Variants in MARK3 observed in about 807,000 individuals in gnomAD.
MARK3 encodes microtubule affinity regulating kinase 3, also known as MAP/microtubule affinity-regulating kinase 3.
Under a neutral mutation model 90.1 loss-of-function variants are expected in MARK3, and 46 were observed. The ratio of observed to expected loss-of-function variants is 0.51; its 90% CI spans 0.40 to 0.65. MARK3 has a LOEUF of 0.65. Among genes scored for constraint, MARK3 ranks in the 30% least tolerant of loss-of-function variants. The pLI is 0.00. For missense variants in MARK3, 818 were observed against 947.2 expected, an observed-to-expected ratio of 0.86 and a Z score of 1.79; for synonymous variants, 321 against 332.6, an observed-to-expected ratio of 0.97 and a Z score of 0.38.
chr14:103,483,811 A>G (rs1191271526), intron 14 of MARK3, among the ~76,000 whole-genome samples: 1 of 152,240 alleles, frequency 6.6e-6, no homozygotes, highest in Non-Finnish European at 1.5e-5. Flanking sequence ...TAAACTAGGC[A>G]TGAGAAGGTT....
intron 2 of MARK3, among the ~76,000 whole-genome samples, chr14:103,418,964 CTCAAACGTT>C (rs1172047586): frequency 2.6e-5 from 4 of 152,156 alleles, no homozygotes; most frequent in Non-Finnish European, 4.4e-5. Flanking sequence ...AACAGCAGTT[CTCAAACGTT>C]TCTGTCTCAG....
At chr14:103,462,770 G>A (rs1010934292) in intron 7 of MARK3, among the ~76,000 whole-genome samples, 6 of 152,078 alleles carry the variant, frequency 3.9e-5, no homozygotes, top group Non-Finnish European at 7.4e-5. Context: ...AGTGCCACCC[G>A]GCATTCATTT....
chr14:103,423,238 ATGT>A (rs1427514078), intron 2 of MARK3, among the ~76,000 whole-genome samples: 4 of 82,842 alleles, frequency 4.8e-5, no homozygotes, highest in African/African-American at 2.2e-4. Flanking sequence ...CTGACTGAGA[ATGT>A]TGTTAACACT....
chr14:103,478,969 A>G (rs548367063), intron 13 of MARK3, among the ~76,000 whole-genome samples: 19 of 152,316 alleles, frequency 1.2e-4, no homozygotes, highest in Admixed American at 9.1e-4. Flanking sequence ...GAATAATGCT[A>G]CTATAAACAA....
chr14:103,401,379 G>A (rs930984833), intron 1 of MARK3, among the ~76,000 whole-genome samples: 2 of 152,112 alleles, frequency 1.3e-5, no homozygotes, highest in African/African-American at 2.4e-5. Context: ...TTGCATGAGC[G>A]TGTTTTAGGT....
chr14:103,485,123 G>A (rs1387190856), intron 14 of MARK3, among the ~76,000 whole-genome samples: 1 of 149,066 alleles, frequency 6.7e-6, no homozygotes, highest in Non-Finnish European at 1.5e-5. Context: ...CCAGCTACTT[G>A]GGAGGCCGAG....
At chr14:103,459,357 G>GT (rs1257026085) in intron 6 of MARK3, among the ~76,000 whole-genome samples, 1 of 152,168 alleles carries the variant, frequency 6.6e-6, no homozygotes, top group Non-Finnish European at 1.5e-5. Context: ...GTATGTATGT[G>GT]TTTTTTCAAT....
At chr14:103,479,627 G>A in intron 13 of MARK3, among the ~76,000 whole-genome samples, 1 of 50,678 alleles carries the variant, frequency 2.0e-5, no homozygotes, top group East Asian at 4.8e-4. Context: ...CATACGTATA[G>A]CTTTTTTTTT....
intron 6 of MARK3, among the ~76,000 whole-genome samples, chr14:103,458,959 AAG>A (rs1015100201): frequency 6.6e-6 from 1 of 152,216 alleles, no homozygotes; most frequent in African/African-American, 2.4e-5. Context: ...ATAAAAAAAA[AAG>A]AAATTATTCT....
intron 3 of MARK3, among the ~76,000 whole-genome samples, chr14:103,439,554 G>T (rs149788412): frequency 6.6e-6 from 1 of 151,968 alleles, no homozygotes; most frequent in Admixed American, 6.6e-5. Flanking sequence ...GATTACAGGC[G>T]TGCGCCACCA....
intron 6 of MARK3, 131 bp downstream of exon 6, chr14:103,457,343 A>T: frequency 1.6e-6 from 1 of 625,242 alleles, no homozygotes; most frequent in South Asian, 2.1e-5. Context: ...ATTCAATTCA[A>T]CAAAAATTGA....
rs1595959987 is a variant in MARK3, at chr14:103,498,531, A to G, written c.1871+3A>G. On this transcript the variant is annotated splice_donor_region_variant and intron_variant, in intron 16 of 17. Transcript: ENST00000429436. ...ATGTCATTCAGGTTTATCAAAAGGTAGGATTTATATATACACATTTATTTT... is the reference window on the plus strand; with the variant it reads ...ATGTCATTCAGGTTTATCAAAAGGTGGGATTTATATATACACATTTATTTT... The G allele has an allele frequency of 1.5e-6, 2 of 1,365,202 alleles. No homozygotes were observed. Among genetic ancestry groups the G allele is most frequent in the East Asian group, 3.2e-5 (1 of 31,726 alleles). The allele number at this position is 1,365,202 out of a possible 1,614,324, so 84.6% of individuals were successfully genotyped here. A position where few individuals can be genotyped will look rare whatever the true frequency, so the allele number is the denominator to read the frequency against.
In MARK3 at chr14:103,480,464, A is replaced by G. The variant is rs1457220619; in HGVS notation, c.1560A>G (p.Ser520=). Residue 520 remains serine, a synonymous_variant, in exon 14 of 18, where the codon TCA becomes TCG. Transcript: ENST00000429436. ...CSERTTADRH[S]VIQNGKENST... ...AGAGAACTACAGCTGATAGACACTC[A>G]GTGATTCAGAATGGCAAAGAAAACA... The G allele has an allele frequency of 1.2e-6, 2 of 1,612,202 alleles. No homozygotes were observed. Among genetic ancestry groups the G allele is most frequent in the Non-Finnish European group, 1.7e-6 (2 of 1,178,682 alleles).
At chr14:103,389,528 C>CAAAAAA (rs67737305) in intron 1 of MARK3, among the ~76,000 whole-genome samples, 16 of 49,852 alleles carry the variant, frequency 3.2e-4, no homozygotes, top group African/African-American at 4.2e-4. Flanking sequence ...ACTCTGTCTC[C>CAAAAAA]AAAAAAAAAA....
intron 14 of MARK3, among the ~76,000 whole-genome samples, chr14:103,484,220 C>T (rs922309949): frequency 1.1e-4 from 16 of 151,616 alleles, no homozygotes; most frequent in African/African-American, 2.4e-5. Flanking sequence ...CTCTTTTACC[C>T]AGGCTAGAGT....
intron 4 of MARK3, 77 bp from the exon 5 acceptor site, chr14:103,451,841 G>A: frequency 1.0e-6 from 1 of 983,248 alleles, no homozygotes; most frequent in Non-Finnish European, 1.5e-6. Context: ...GCTTTTCATA[G>A]TTAGAGTTTA....
intron 15 of MARK3, among the ~76,000 whole-genome samples, chr14:103,493,118 C>A (rs140815076): frequency 6.6e-6 from 1 of 152,230 alleles, no homozygotes; most frequent in Admixed American, 6.5e-5. Context: ...TCATTTCACT[C>A]CATCTCCATT....
chr14:103,477,395 G>A (rs1342863602), intron 13 of MARK3, among the ~76,000 whole-genome samples: 2 of 152,042 alleles, frequency 1.3e-5, no homozygotes, highest in Non-Finnish European at 2.9e-5. Context: ...GGGAGGCTGA[G>A]GCAGGAGAAT....
chr14:103,425,843 A>G (rs1426461663), intron 2 of MARK3, among the ~76,000 whole-genome samples: 1 of 152,170 alleles, frequency 6.6e-6, no homozygotes, highest in Non-Finnish European at 1.5e-5. Context: ...CATCCACTCC[A>G]GGGTCAGAAT....
Sources: gnomAD v4.1 joint callset for allele counts (sites outside exome capture counted in the v4.1 genomes callset) on GRCh38, gnomAD v4.1.1 for gene constraint, MANE v1.5 for transcripts, NCBI Gene and HGNC (gene_info 2026-07-23, HGNC 2026-07-21) for gene names.